ZYX: variants seen among roughly 807,000 people sequenced by gnomAD.
ZYX encodes the protein zyxin-2.
Under a neutral mutation model 58.1 loss-of-function variants are expected in ZYX, and 37 were observed. The observed-to-expected ratio is 0.64, with a 90% confidence interval of 0.49 to 0.84. The LOEUF is 0.84. ZYX is among the 40% of genes least tolerant of loss of function. The pLI, the probability that ZYX is intolerant of heterozygous loss-of-function variation, is 0.00. For missense variants in ZYX, 762 were observed against 761.6 expected (o/e 1.00, Z -0.01); for synonymous variants, 324 against 321.1 (o/e 1.01, Z -0.10).
rs1196976852 is a variant in ZYX at position 143,389,770 on chromosome 7, T to C, written c.1494-87T>C. The C allele has an allele frequency of 1.3e-6, 2 of 1,563,238 alleles. No homozygotes were observed. Among genetic ancestry groups the C allele is most frequent in the East Asian group, 4.5e-5 (2 of 44,132 alleles). ...GGAGATGCAGGGCAGAGAAGTCTGC[T>C]TCCTTGCTGCCCAACCTGGCTTATG... On this transcript the variant is annotated intron_variant, in intron 8 of 9. Coordinates refer to ENST00000322764, the MANE Select transcript of ZYX (RefSeq NM_003461.5). This position sits in a 1 kb window ranked among gnomAD's most constrained non-coding sequence, Gnocchi z 5.6.
intron 1 of ZYX, 64 bp downstream of exon 1, chr7:143,381,473 G>T: frequency 7.3e-7 from 1 of 1,378,586 alleles, no homozygotes; most frequent in Non-Finnish European, 9.4e-7. Flanking sequence ...GGGAGGGGGC[G>T]AGTGGGGGTC....
Position 143,382,397 on chromosome 7 carries a change from C to T in ZYX, c.358C>T (p.Pro120Ser). 1.3e-6 allele frequency: 2 copies of T among 1,580,214 alleles called. No individual in the cohort carries two copies. Among genetic ancestry groups the T allele is most frequent in the South Asian group, 2.3e-5 (2 of 88,134 alleles). ...EEEIFPSPPP[P>S]PEEEGGPEAP... ...GGAGATCTTCCCTTCCCCGCCGCCT[C>T]CTCCGGAGGAGGAGGGAGGGCCTGA... is the stretch of plus-strand genomic sequence containing the variant. The change falls in exon 3 of 10, where the codon CCT (proline) becomes TCT (serine). Residue 120 changes from proline (P) to serine (S), a missense_variant. Coordinates refer to ENST00000322764, the MANE Select transcript of ZYX (RefSeq NM_003461.5).
chr7:143,389,986 T>C lies in ZYX; in HGVS notation c.1614+9T>C. 6.2e-7 allele frequency: 1 copy of C among 1,613,774 alleles called. No homozygotes were observed. Among genetic ancestry groups the C allele is most frequent in the Non-Finnish European group, 8.5e-7 (1 of 1,179,802 alleles). On this transcript the variant is annotated intron_variant, in intron 9 of 9. Coordinates refer to ENST00000322764, the MANE Select transcript of ZYX (RefSeq NM_003461.5). The surrounding 1 kb of genome is among the most constrained non-coding windows in gnomAD (Gnocchi z 5.6). ...AGTGTTACAAGTGTGAGGTCAGCCA[T>C]CCCTCTGGACTCCTTGGGCAGGTTC...
In ZYX at chr7:143,388,797, G is replaced by A. The variant is rs1179607727; in HGVS notation, c.1345G>A (p.Glu449Lys). 1.2e-6 allele frequency: 2 copies of A among 1,613,862 alleles called. No individual in the cohort carries two copies. The highest frequency in any genetic ancestry group is 1.7e-6 in the Non-Finnish European group (2 of 1,179,948). ...CCTGGAGAAGTGTAACACCTGCGGG[G>A]AGCCCATCACTGACCGCATGCTGAG... ...DTLEKCNTCG[E>K]PITDRMLRAT... Residue 449 changes from glutamate to lysine, a missense_variant, in exon 8 of 10, where the codon GAG becomes AAG. Glu to Lys is a moderately conservative substitution (Grantham distance 56). Coordinates refer to ENST00000322764, the MANE Select transcript of ZYX (RefSeq NM_003461.5). This position sits in a 1 kb window ranked among gnomAD's most constrained non-coding sequence, Gnocchi z 7.5.
rs910264793 is a variant in ZYX at position 143,381,668 on chromosome 7, A to G, written c.97A>G (p.Lys33Glu). ...QKKFGPVVAP[K>E]PKVNPFRPGD... The stretch of plus-strand genomic sequence containing the variant: ...GAAGTTCGGCCCTGTGGTGGCCCCA[A>G]AGCCCAAAGTGAATCCCTTCCGGCC... The change falls in exon 2 of 10, where the codon AAG becomes GAG. Residue 33 changes from lysine to glutamate, a missense_variant. Transcript: ENST00000322764. The G allele has an allele frequency of 1.9e-6, 3 of 1,611,594 alleles. No homozygotes were observed. Among genetic ancestry groups the G allele is most frequent in the South Asian group, 2.2e-5 (2 of 90,952 alleles).
At chr7:143,381,446 A>G in intron 1 of ZYX, 37 bp downstream of exon 1, 1 of 1,285,748 alleles carries the variant, frequency 7.8e-7, no homozygotes. Flanking sequence ...CCCCACGGGG[A>G]GGGGGCGCGG....
In ZYX at chr7:143,389,718, G is replaced by A. The variant is rs899251996; in HGVS notation, c.1494-139G>A. ...GGCCAGTCATGGTGTCTCACTCTTA[G>A]GCCCTTCTGGTGAGCTTCCTTCACC... On this transcript the variant is annotated intron_variant, in intron 8 of 9. Transcript: ENST00000322764. The surrounding 1 kb of genome is among the most constrained non-coding windows in gnomAD (Gnocchi z 5.6). 2 of 1,238,022 alleles carry A rather than the reference G, an allele frequency of 1.6e-6. No individual in the cohort carries two copies. Among genetic ancestry groups the A allele is most frequent in the African/African-American group, 1.5e-5 (1 of 66,772 alleles). The allele number at this position is 1,238,022 out of a possible 1,614,324, so 76.7% of individuals were successfully genotyped here. A position where few individuals can be genotyped will look rare whatever the true frequency, so the allele number is the denominator to read the frequency against.
At position 143,382,917 on chromosome 7, in the gene ZYX, C is replaced by T. The variant is rs767106143; in HGVS notation, c.618C>T (p.Ser206=). 1.2e-6 allele frequency: 2 copies of T among 1,613,976 alleles called. No homozygotes were observed. Among genetic ancestry groups the T allele is most frequent in the African/African-American group, 2.7e-5 (2 of 74,910 alleles). ...PLPPWKSPSS[S]QPLPQVPAPA... ...CTCCTTGGAAGTCCCCTTCCAGCTC[C>T]CAGCCTCTGCCCCAGGTTCCGGCTC... Residue 206 remains serine, a synonymous_variant, in exon 5 of 10, where the codon TCC becomes TCT. Transcript: ENST00000322764.
intron 2 of ZYX, 40 bp downstream of exon 2, chr7:143,381,819 CGGGGTG>C (rs1369083752): frequency 6.7e-7 from 1 of 1,488,248 alleles, no homozygotes; most frequent in South Asian, 1.3e-5. Context: ...CGGCAGGAGC[CGGGGTG>C]GGGGGCAGTC....
intron 4 of ZYX, 51 bp downstream of exon 4, chr7:143,382,736 G>T (rs1358058745): frequency 6.2e-7 from 1 of 1,613,976 alleles, no homozygotes; most frequent in East Asian, 2.2e-5. Flanking sequence ...GAGAGACTGG[G>T]CATAGAACTA....
At chr7:143,382,549 G>C (rs1804667571) in intron 3 of ZYX, 44 bp from the exon 4 acceptor site, 1 of 1,608,342 alleles carries the variant, frequency 6.2e-7, no homozygotes, top group Admixed American at 1.7e-5. Flanking sequence ...TGGGGGTGGG[G>C]GGATAGAGGC....
Position 143,381,794 on chromosome 7 carries a change from T to C in ZYX, c.208+15T>C, listed in dbSNP as rs1364819868. The C allele has an allele frequency of 1.3e-6, 2 of 1,538,228 alleles. No individual in the cohort carries two copies. Among genetic ancestry groups the C allele is most frequent in the East Asian group, 2.5e-5 (1 of 40,746 alleles). ...GCCCCCGGAAGGTATGCGGCGGGGC[T>C]TGGGGAATGTACCCCGGCAGGAGCC... On this transcript the variant is annotated intron_variant, in intron 2 of 9. Transcript: ENST00000322764.
At position 143,388,403 on chromosome 7, in the gene ZYX, G is replaced by A; in HGVS notation, c.1144+64G>A. ...ACATCACGGTGGGGGCCAGGGCTGT[G>A]GCTCCACTCCCTATCTGAGCTGGCT... On this transcript the variant is annotated intron_variant, in intron 6 of 9. Transcript: ENST00000322764. This position sits in a 1 kb window ranked among gnomAD's most constrained non-coding sequence, Gnocchi z 7.5. 6.2e-7 allele frequency: 1 copy of A among 1,608,688 alleles called. No homozygotes were observed. The highest frequency in any genetic ancestry group is 8.5e-7 in the Non-Finnish European group (1 of 1,176,332).
rs1389705382 is a variant in ZYX, at chr7:143,390,737, A to T, written c.*55A>T. 7.6e-7 allele frequency: 1 copy of T among 1,309,922 alleles called. No individual in the cohort carries two copies. The highest frequency in any genetic ancestry group is 1.1e-6 in the Non-Finnish European group (1 of 931,886). The allele number at this position is 1,309,922 out of a possible 1,614,324, so 81.1% of individuals were successfully genotyped here. On this transcript the variant is annotated 3_prime_UTR_variant, in exon 10 of 10. Transcript: ENST00000322764. This position sits in a 1 kb window ranked among gnomAD's most constrained non-coding sequence, Gnocchi z 4.3. The stretch of plus-strand genomic sequence containing the variant: ...CCATGCCCCATTGTGGACCACCCAC[A>T]CTGAGACCACCTGCCCCCACCTCAG...
At chr7:143,386,410 G>A (rs1804869010) in intron 5 of ZYX, among the ~76,000 whole-genome samples, 1 of 152,090 alleles carries the variant, frequency 6.6e-6, no homozygotes, top group Non-Finnish European at 1.5e-5. Flanking sequence ...GCAAAGGGAC[G>A]AAGCAGGTGG....
Position 143,385,660 on chromosome 7 carries a change from C to CTTTTTTTTTTTTTTTTTTTTTTT in ZYX, c.1023+2342_1023+2364dup, listed in dbSNP as rs59995035. 1.9e-4 allele frequency among the ~76,000 whole-genome samples: 13 copies of CTTTTTTTTTTTTTTTTTTTTTTT among 68,968 alleles called. 1 individual carries two copies. Among genetic ancestry groups the CTTTTTTTTTTTTTTTTTTTTTTT allele is most frequent in the South Asian group, 6.9e-4 (1 of 1,444 alleles). The allele number at this position is 68,968 out of a possible 152,430, so 45.2% of individuals were successfully genotyped here. ...TGTGTGAGCGTGTGGTGTGGTATAT[C>CTTTTTTTTTTTTTTTTTTTTTTT]TTTTTTTTTTTTTTTTTTTTTTTTT... On this transcript the variant is annotated intron_variant, in intron 5 of 9. Coordinates refer to ENST00000322764, the MANE Select transcript of ZYX (RefSeq NM_003461.5).
At position 143,388,537 on chromosome 7, in the gene ZYX, T is replaced by A; in HGVS notation, c.1193T>A (p.Val398Asp). Residue 398 changes from valine to aspartate, a missense_variant, in exon 7 of 10, where the codon GTC becomes GAC. Physicochemically the swap from Val to Asp is radical, Grantham distance 152. Coordinates refer to ENST00000322764, the MANE Select transcript of ZYX (RefSeq NM_003461.5). The surrounding 1 kb of genome is among the most constrained non-coding windows in gnomAD (Gnocchi z 7.5). ...HQPLARAQPAVRALGQLFHIA... is the reference protein window; with the variant it reads ...HQPLARAQPADRALGQLFHIA... ...CCCCTGGCCCGGGCGCAGCCAGCCG[T>A]CCGCGCTCTAGGGCAGCTGTTCCAC... 1 of 1,610,816 alleles carries A rather than the reference T, an allele frequency of 6.2e-7. No homozygotes were observed. Among genetic ancestry groups the A allele is most frequent in the Non-Finnish European group, 8.5e-7 (1 of 1,179,928 alleles).
chr7:143,387,661 G>A lies in ZYX; in HGVS notation c.1024-558G>A, dbSNP rs1257336620. 6.4e-6 allele frequency: 3 copies of A among 469,878 alleles called. No individual in the cohort carries two copies. Among genetic ancestry groups the A allele is most frequent in the East Asian group, 7.0e-5 (1 of 14,380 alleles). 29.1% of individuals were successfully genotyped at this position (469,878 alleles called of 1,614,324 possible). On this transcript the variant is annotated intron_variant, in intron 5 of 9. Transcript: ENST00000322764. This position sits in a 1 kb window ranked among gnomAD's most constrained non-coding sequence, Gnocchi z 5.8. ...GAGGTAGTTCAGAGGCCCCTCACTC[G>A]AGGGACAGGGTCTCTGTGTGGGGGT...
rs373067674 is a variant in ZYX, at chr7:143,383,288, A to G, written c.989A>G (p.His330Arg). The part of the protein sequence containing the change: ...REKPRVQEKQ[H>R]PVPPPAQNQN... ...AAGCCCCGAGTGCAGGAGAAGCAGC[A>G]CCCCGTGCCCCCACCGGCTCAGAAC... is the stretch of plus-strand genomic sequence containing the variant. Residue 330 changes from histidine to arginine, a missense_variant, in exon 5 of 10, where the codon CAC becomes CGC. By Grantham distance (29) the His-to-Arg change is conservative (BLOSUM62 0). Transcript: ENST00000322764. 8.0e-5 allele frequency: 129 copies of G among 1,611,596 alleles called. No individual in the cohort carries two copies. The highest frequency in any genetic ancestry group is 9.6e-5 in the Non-Finnish European group (113 of 1,179,340).
Sources: allele counts gnomAD v4.1 joint callset (sites outside exome capture counted in the v4.1 genomes callset), GRCh38; gene constraint gnomAD v4.1.1; non-coding constraint Gnocchi (gnomAD v3.1); transcripts MANE v1.5; gene names NCBI Gene and HGNC (gene_info 2026-07-23, HGNC 2026-07-21).